Variants in MICAL2 observed in about 807,000 individuals in gnomAD.
The protein encoded by MICAL2 is microtubule associated monooxygenase, calponin and LIM domain containing 2.
A neutral mutation model predicts 127.3 loss-of-function variants in MICAL2; 77 were observed. That is an observed-to-expected ratio of 0.60 (90% CI 0.50 to 0.73). The LOEUF is 0.73. MICAL2 is among the 30% of genes least tolerant of loss of function. The pLI is 0.00. For synonymous variants in MICAL2, 570 were observed against 551.1 expected (o/e 1.03, Z -0.48); for missense variants, 1,351 against 1,434.4 (o/e 0.94, Z 0.94).
Position 12,227,017 on chromosome 11 carries a change from C to G in MICAL2, c.1889-8C>G. 3 of 1,609,992 alleles carry G rather than the reference C, an allele frequency of 1.9e-6. No homozygotes were observed. Among genetic ancestry groups the G allele is most frequent in the Middle Eastern group, 3.3e-4 (2 of 6,056 alleles). ...TCCAAATCACAGTTGCGCTTTATTTCCCAACAGATTCTTGGCGCAAAAACT... is the reference window on the plus strand; with the variant it reads ...TCCAAATCACAGTTGCGCTTTATTTGCCAACAGATTCTTGGCGCAAAAACT... On this transcript the variant is annotated splice_polypyrimidine_tract_variant and splice_region_variant and intron_variant, in intron 14 of 27. Coordinates refer to ENST00000683283, the MANE Select transcript of MICAL2 (RefSeq NM_001282663.2).
rs537391522 is a variant in MICAL2, at chr11:12,153,762, C to T, written c.-77-8317C>T. ...TCTACTTTATGTCTCTATGAATTTG[C>T]TTATTGTGGTCACCTCTCACTGTTA... On this transcript the variant is annotated intron_variant, in intron 2 of 27. Transcript: ENST00000683283. 2.6e-5 allele frequency among the ~76,000 whole-genome samples: 4 copies of T among 152,308 alleles called. No individual in the cohort carries two copies. The South Asian group carries it at 8.3e-4, about 32-fold the overall frequency.
chr11:12,255,719 G>T lies in MICAL2; in HGVS notation c.2924G>T (p.Arg975Ile). ...VLVNLYMNDH[R>I]PKAQATSPDL... Reference sequence around the variant, plus strand: ...GTCAATCTGTACATGAATGATCACAGACCTAAGGCCCAGGCCACCTCTCCA... The same window carrying T: ...GTCAATCTGTACATGAATGATCACATACCTAAGGCCCAGGCCACCTCTCCA... The change falls in exon 23 of 28, where the codon AGA (arginine) becomes ATA (isoleucine). Residue 975 changes from arginine (R) to isoleucine (I), a missense_variant. Physicochemically the swap from Arg to Ile is moderately conservative, Grantham distance 97. Transcript: ENST00000683283. 6.2e-7 allele frequency: 1 copy of T among 1,613,946 alleles called. No homozygotes were observed. Among genetic ancestry groups the T allele is most frequent in the Non-Finnish European group, 8.5e-7 (1 of 1,179,906 alleles).
chr11:12,207,942 G>T (rs72866069), intron 4 of MICAL2, 81 bp from the exon 5 acceptor site: 1 of 1,042,608 alleles, frequency 9.6e-7, no homozygotes, highest in East Asian at 2.4e-5. Context: ...GTCACTGAGC[G>T]GCAGTGATTA....
At chr11:12,313,053 G>A (rs914296120) in intron 29 of MICAL2, among the ~76,000 whole-genome samples, 1 of 151,276 alleles carries the variant, frequency 6.6e-6, no homozygotes, top group African/African-American at 2.4e-5. Context: ...CTGTAGTCCC[G>A]GCTACTGGGG....
chr11:12,136,891 C>T (rs1357233286), intron 1 of MICAL2, among the ~76,000 whole-genome samples: 1 of 152,170 alleles, frequency 6.6e-6, no homozygotes, highest in African/African-American at 2.4e-5. Context: ...CTGCTGGTCT[C>T]CGTAATGCCC....
intron 1 of MICAL2, among the ~76,000 whole-genome samples, chr11:12,119,237 A>T (rs1251618275): frequency 6.6e-6 from 1 of 151,932 alleles, no homozygotes; most frequent in African/African-American, 2.4e-5. Flanking sequence ...TGGGGTGTTT[A>T]TGTTGTATCT....
At chr11:12,153,418 C>T (rs1853814640) in intron 2 of MICAL2, 5 of 151,994 alleles carry the variant, frequency 3.3e-5, no homozygotes. Flanking sequence ...TACCATCCTT[C>T]CACAGAATAA....
At chr11:12,357,984 C>T (rs1939154333) in intron 34 of MICAL2, among the ~76,000 whole-genome samples, 1 of 152,168 alleles carries the variant, frequency 6.6e-6, no homozygotes, top group South Asian at 2.1e-4. Context: ...TTGTTAGCTT[C>T]TCTTTGGGGC....
At chr11:12,273,399 T>C (rs1863692992), upstream of MICAL2, among the ~76,000 whole-genome samples, 1 of 152,160 alleles carries the variant, frequency 6.6e-6, no homozygotes, top group Non-Finnish European at 1.5e-5. Flanking sequence ...TATTATTATG[T>C]AGTGAAGCAT....
At chr11:12,334,572 G>A (rs1405850462) in intron 32 of MICAL2, among the ~76,000 whole-genome samples, 6 of 150,266 alleles carry the variant, frequency 4.0e-5, no homozygotes. Flanking sequence ...ATTAGCATTA[G>A]GTATATCTCC....
intron 3 of MICAL2, among the ~76,000 whole-genome samples, chr11:12,185,094 G>T (rs1333308609): frequency 1.2e-5 from 1 of 81,992 alleles, no homozygotes. Flanking sequence ...GATGGGTGGG[G>T]GGATGGATAG....
chr11:12,251,766 C>G (rs1172632409), intron 22 of MICAL2, among the ~76,000 whole-genome samples: 1 of 152,088 alleles, frequency 6.6e-6, no homozygotes, highest in Non-Finnish European at 1.5e-5. Flanking sequence ...AGCTCTGCAG[C>G]TGCTCAGTTT....
intron 1 of MICAL2, among the ~76,000 whole-genome samples, chr11:12,111,014 T>C (rs889889710): frequency 6.6e-6 from 1 of 152,056 alleles, no homozygotes; most frequent in Admixed American, 6.6e-5. Context: ...ACCCAAACCC[T>C]GCAGTTCCAA....
chr11:12,181,999 C>T (rs1378198216), intron 3 of MICAL2, among the ~76,000 whole-genome samples: 1 of 152,190 alleles, frequency 6.6e-6, no homozygotes, highest in African/African-American at 2.4e-5. Flanking sequence ...ATAGAAATCA[C>T]AAATATTTTC....
intron 1 of MICAL2, among the ~76,000 whole-genome samples, chr11:12,131,834 G>A (rs914869096): frequency 1.3e-5 from 2 of 152,140 alleles, no homozygotes; most frequent in South Asian, 2.1e-4. Flanking sequence ...TTGAGGATGC[G>A]AAGCCTACTC....
At chr11:12,291,377 T>C (rs561329172), downstream of MICAL2, among the ~76,000 whole-genome samples, 17 of 152,158 alleles carry the variant, frequency 1.1e-4, no homozygotes, top group Non-Finnish European at 2.2e-4. Context: ...ACATGTGAGC[T>C]TGGTTGATCT....
chr11:12,341,879 T>C (rs897718960), intron 32 of MICAL2, among the ~76,000 whole-genome samples: 2 of 152,088 alleles, frequency 1.3e-5, no homozygotes, highest in African/African-American at 4.8e-5. Context: ...ATGCCAATCA[T>C]CGTAGGGTAA....
Position 12,249,075 on chromosome 11 carries a change from A to T in MICAL2, c.2785-109A>T, listed in dbSNP as rs999308730. On this transcript the variant is annotated intron_variant, in intron 21 of 27. Transcript: ENST00000683283. ...CTGGAATACTGCAATGTCCTAACCTATGCAAAATGCCTGAAGTATCCTGTA... is the reference window on the plus strand; with the variant it reads ...CTGGAATACTGCAATGTCCTAACCTTTGCAAAATGCCTGAAGTATCCTGTA... The T allele has an allele frequency of 5.6e-6, 8 of 1,431,476 alleles. No homozygotes were observed. The East Asian group carries it at 1.6e-4, about 29-fold the overall frequency. The allele number at this position is 1,431,476 out of a possible 1,614,324, so 88.7% of individuals were successfully genotyped here.
chr11:12,248,334 C>A (rs1861049766), intron 21 of MICAL2, among the ~76,000 whole-genome samples: 2 of 152,294 alleles, frequency 1.3e-5, no homozygotes, highest in South Asian at 4.2e-4. Flanking sequence ...TTTTATGTCC[C>A]CAGAACCATT....
Sources: allele counts gnomAD v4.1 joint callset (sites outside exome capture counted in the v4.1 genomes callset), GRCh38; gene constraint gnomAD v4.1.1; transcripts MANE v1.5; gene names NCBI Gene and HGNC (gene_info 2026-07-23, HGNC 2026-07-21).